DYRK1A: variants seen among roughly 807,000 people sequenced by gnomAD.
DYRK1A encodes the protein dual specificity tyrosine phosphorylation regulated kinase 1A.
Under a neutral mutation model 79.7 loss-of-function variants are expected in DYRK1A, and 9 were observed. The observed-to-expected ratio is 0.11, with a 90% confidence interval of 0.07 to 0.20. The LOEUF (loss-of-function observed/expected upper bound fraction) is 0.20. Among genes scored for constraint, DYRK1A ranks in the 10% least tolerant of loss-of-function variants. DYRK1A has a pLI of 1.00. For synonymous variants in DYRK1A, 349 were observed against 329.7 expected, an observed-to-expected ratio of 1.06 and a Z score of -0.63; for missense variants, 622 against 956.0, an observed-to-expected ratio of 0.65 and a Z score of 4.61.
At chr21:37,454,604 T>C (rs1317615016) in intron 2 of DYRK1A, among the ~76,000 whole-genome samples, 2 of 152,116 alleles carry the variant, frequency 1.3e-5, no homozygotes, top group Non-Finnish European at 2.9e-5. Flanking sequence ...TTAAAAAGTA[T>C]TGTTGTAAGT....
chr21:37,479,606 GTTTTTGTTTTTTGTTTTTTT>G (rs2052540551), intron 4 of DYRK1A, among the ~76,000 whole-genome samples: 1 of 27,594 alleles, frequency 3.6e-5, no homozygotes, highest in Admixed American at 4.3e-4. Context: ...TTTTGTTTTT[GTTTTTGTTTTTTGTTTTTTT>G]TTTTTTTTTT....
intron 3 of DYRK1A, 95 bp from the exon 4 acceptor site, chr21:37,478,113 C>T (rs1328959530): frequency 6.6e-7 from 1 of 1,525,958 alleles, no homozygotes; most frequent in Non-Finnish European, 8.9e-7. Context: ...AAAGTAGATA[C>T]ATGCAGGTTA....
chr21:37,380,262 TTTTAC>T (rs2049629961), intron 1 of DYRK1A, among the ~76,000 whole-genome samples: 1 of 152,244 alleles, frequency 6.6e-6, no homozygotes, highest in African/African-American at 2.4e-5. Context: ...CAGTGGTGTT[TTTTAC>T]TTTATCTTTA....
intron 1 of DYRK1A, among the ~76,000 whole-genome samples, chr21:37,417,676 CA>C (rs1292804416): frequency 6.6e-6 from 1 of 151,108 alleles, no homozygotes; most frequent in Non-Finnish European, 1.5e-5. Flanking sequence ...GTGTGTTTAA[CA>C]GCCTGTGGAA....
chr21:37,498,484 A>G (rs1361447930), intron 9 of DYRK1A, among the ~76,000 whole-genome samples: 1 of 152,200 alleles, frequency 6.6e-6, no homozygotes, highest in Non-Finnish European at 1.5e-5. Flanking sequence ...TCACTCAGCA[A>G]ATGTATTGTT....
intron 2 of DYRK1A, among the ~76,000 whole-genome samples, chr21:37,458,283 T>A (rs576735348): frequency 1.3e-5 from 2 of 150,056 alleles, no homozygotes; most frequent in Admixed American, 6.6e-5. Flanking sequence ...TGTGTGTGTG[T>A]GTGTGTGTGT....
chr21:37,477,074 A>G (rs1407920471), intron 3 of DYRK1A, among the ~76,000 whole-genome samples: 2 of 152,154 alleles, frequency 1.3e-5, no homozygotes. Flanking sequence ...TGTTCTGTCC[A>G]CTGGTACAAA....
intron 1 of DYRK1A, among the ~76,000 whole-genome samples, chr21:37,410,274 G>A (rs1005946590): frequency 6.6e-6 from 1 of 152,196 alleles, no homozygotes; most frequent in Admixed American, 6.5e-5. Context: ...TTGTGCATAT[G>A]AAGAGTGTTT....
At chr21:37,463,280 G>A (rs2051913127) in intron 2 of DYRK1A, among the ~76,000 whole-genome samples, 1 of 151,382 alleles carries the variant, frequency 6.6e-6, no homozygotes, top group African/African-American at 2.4e-5. Context: ...TAAGAAAGCA[G>A]TTCATTTGTT....
intron 2 of DYRK1A, among the ~76,000 whole-genome samples, chr21:37,436,312 C>T (rs1672888096): frequency 6.6e-6 from 1 of 152,164 alleles, no homozygotes; most frequent in Non-Finnish European, 1.5e-5. Context: ...TTCTGGTATT[C>T]AGTTGTCAAA....
At position 37,517,173 on chromosome 21, in the gene DYRK1A, C is replaced by T. The variant is rs556128909; in HGVS notation, c.*4642C>T. 4.6e-5 allele frequency: 7 copies of T among 152,352 alleles called. No individual in the cohort carries two copies. The East Asian group carries it at 1.4e-3, about 29-fold the overall frequency. 9.4% of individuals were successfully genotyped at this position (152,352 alleles called of 1,614,324 possible). A position where few individuals can be genotyped will look rare whatever the true frequency, so the allele number is the denominator to read the frequency against. On this transcript the variant is annotated 3_prime_UTR_variant, in exon 12 of 12. Transcript: ENST00000647188. Reference sequence around the variant, plus strand: ...AGCTGGGTCCTGAAGGAGCACAGTACTAGAGCCTGAGTCATGTTGACTATT... The same window carrying T: ...AGCTGGGTCCTGAAGGAGCACAGTATTAGAGCCTGAGTCATGTTGACTATT...
At chr21:37,411,298 G>A (rs1295315100) in intron 1 of DYRK1A, among the ~76,000 whole-genome samples, 1 of 152,064 alleles carries the variant, frequency 6.6e-6, no homozygotes, top group East Asian at 1.9e-4. Context: ...GGAGGTTGCA[G>A]TGAGCTGAGA....
chr21:37,455,800 T>G (rs781368609), intron 2 of DYRK1A, among the ~76,000 whole-genome samples: 8 of 152,212 alleles, frequency 5.3e-5, no homozygotes, highest in Middle Eastern at 3.2e-3. Context: ...TTTTAAACAT[T>G]AACTCTTTAC....
intron 2 of DYRK1A, among the ~76,000 whole-genome samples, chr21:37,451,279 T>A (rs994413951): frequency 6.6e-4 from 100 of 152,254 alleles, no homozygotes; most frequent in Admixed American, 1.3e-3. Context: ...ACAATGTCTA[T>A]AAAGTCGACC....
intron 2 of DYRK1A, among the ~76,000 whole-genome samples, chr21:37,472,029 C>T (rs926168929): frequency 8.5e-5 from 13 of 152,126 alleles, no homozygotes; most frequent in African/African-American, 1.4e-4. Flanking sequence ...TCATCCTACC[C>T]GTAGGATAAT....
At chr21:37,369,784 G>A (rs2049393495) in intron 1 of DYRK1A, among the ~76,000 whole-genome samples, 1 of 152,202 alleles carries the variant, frequency 6.6e-6, no homozygotes, top group Admixed American at 6.5e-5. Context: ...AAATGACCTA[G>A]TGAGATCTTT....
chr21:37,374,895 A>G (rs939331322), intron 1 of DYRK1A, among the ~76,000 whole-genome samples: 3 of 152,222 alleles, frequency 2.0e-5, no homozygotes, highest in South Asian at 2.1e-4. Context: ...CTGATGCAGT[A>G]GGAACATTTT....
At chr21:37,474,285 T>A (rs1450912779) in intron 3 of DYRK1A, among the ~76,000 whole-genome samples, 1 of 152,248 alleles carries the variant, frequency 6.6e-6, no homozygotes, top group Non-Finnish European at 1.5e-5. Flanking sequence ...CACCTATTTT[T>A]ATATCCAACT....
intron 1 of DYRK1A, among the ~76,000 whole-genome samples, chr21:37,398,142 A>T (rs944681273): frequency 1.3e-5 from 2 of 148,578 alleles, no homozygotes; most frequent in African/African-American, 4.9e-5. Context: ...GTATATATAT[A>T]TATTTTTTTA....
Sources: allele counts gnomAD v4.1 joint callset (sites outside exome capture counted in the v4.1 genomes callset), GRCh38; gene constraint gnomAD v4.1.1; transcripts MANE v1.5; gene names NCBI Gene and HGNC (gene_info 2026-07-23, HGNC 2026-07-21).